Variants in SYK observed in about 807,000 individuals in gnomAD.
The protein encoded by SYK is tyrosine-protein kinase SYK.
SYK carries 16 observed loss-of-function variants against 77.8 expected under a neutral mutation model. That is an observed-to-expected ratio of 0.21 (90% CI 0.14 to 0.31). The LOEUF (loss-of-function observed/expected upper bound fraction) is 0.31, where lower values mean the gene tolerates loss of function less well. Among genes scored for constraint, SYK ranks in the 10% least tolerant of loss-of-function variants. The pLI, the probability that SYK is intolerant of heterozygous loss-of-function variation, is 1.00. For synonymous variants in SYK, 312 were observed against 308.7 expected, an observed-to-expected ratio of 1.01 and a Z score of -0.11; for missense variants, 529 against 814.4, an observed-to-expected ratio of 0.65 and a Z score of 4.26.
In SYK at chr9:90,844,060, C is replaced by T. The variant is rs150440676; in HGVS notation, c.162C>T (p.Ser54=). ...ACTACCTGGGTGGCTTCGCCCTGTC[C>T]GTGGCCCACGGGAGGAAGGCACACC... ...SRNYLGGFAL[S]VAHGRKAHHY... Residue 54 remains serine, a synonymous_variant, in exon 2 of 14, where the codon TCC becomes TCT. Coordinates refer to ENST00000375754, the MANE Select transcript of SYK (RefSeq NM_003177.7). The T allele has an allele frequency of 1.7e-5, 28 of 1,612,434 alleles. No homozygotes were observed. Among genetic ancestry groups the T allele is most frequent in the Middle Eastern group, 1.7e-4 (1 of 6,054 alleles).
rs141723612 is a variant in SYK at position 90,809,147 on chromosome 9, A to G, written c.-42+7254A>G. On this transcript the variant is annotated intron_variant, in intron 1 of 13. Coordinates refer to ENST00000375754, the MANE Select transcript of SYK (RefSeq NM_003177.7). Reference sequence around the variant, plus strand: ...GCCTGGCTAGAGCAGGCTGCATCGCAGGCCTTGGCGTTAGGTTCCCCAAAT... The same window carrying G: ...GCCTGGCTAGAGCAGGCTGCATCGCGGGCCTTGGCGTTAGGTTCCCCAAAT... Among the ~76,000 whole-genome samples, 411 of 152,292 alleles carry G rather than the reference A, an allele frequency of 2.7e-3. 2 individuals are homozygous for G. The highest frequency in any genetic ancestry group is 0.02 in the Admixed American group (309 of 15,302).
chr9:90,888,690 C>A, intron 13 of SYK, 63 bp downstream of exon 13: 3 of 1,257,134 alleles, frequency 2.4e-6, no homozygotes, highest in South Asian at 1.5e-5. Flanking sequence ...AATGGTTGGG[C>A]GTCTAAAAAA....
intron 11 of SYK, among the ~76,000 whole-genome samples, chr9:90,886,362 G>A (rs1290327413): frequency 2.6e-5 from 4 of 152,196 alleles, no homozygotes; most frequent in Non-Finnish European, 5.9e-5. Flanking sequence ...ACTGTTTGTG[G>A]GAATGTAAAT....
intron 1 of SYK, among the ~76,000 whole-genome samples, chr9:90,821,562 C>T (rs182283489): frequency 1.4e-3 from 216 of 152,314 alleles, no homozygotes; most frequent in African/African-American, 5.0e-3. Context: ...ATTACCTCCC[C>T]GTGGGTCCCT....
At chr9:90,809,166 C>T (rs12005463) in intron 1 of SYK, among the ~76,000 whole-genome samples, 17,391 of 152,152 alleles carry the variant, frequency 0.11, 1,064 homozygotes, top group Middle Eastern at 0.21. Context: ...CGTTAGGTTC[C>T]CCAAATCACT....
At chr9:90,818,051 C>T (rs1244002314) in intron 1 of SYK, among the ~76,000 whole-genome samples, 1 of 152,204 alleles carries the variant, frequency 6.6e-6, no homozygotes, top group Non-Finnish European at 1.5e-5. Context: ...CAGGCCTTGT[C>T]TGAAGTCTAC....
At chr9:90,843,780 A>C in intron 1 of SYK, 78 bp from the exon 2 acceptor site, 1 of 1,155,512 alleles carries the variant, frequency 8.7e-7, no homozygotes, top group Non-Finnish European at 1.1e-6. Flanking sequence ...TCCACTTTGA[A>C]AGGGTTTGAG....
At chr9:90,852,895 G>A (rs538664361) in intron 3 of SYK, among the ~76,000 whole-genome samples, 2 of 152,212 alleles carry the variant, frequency 1.3e-5, no homozygotes, top group Non-Finnish European at 2.9e-5. Context: ...TTGACTGCAG[G>A]GGGAAGATGA....
intron 3 of SYK, among the ~76,000 whole-genome samples, chr9:90,860,195 G>A (rs561498672): frequency 5.9e-5 from 9 of 152,310 alleles, no homozygotes; most frequent in Admixed American, 3.3e-4. Context: ...GGTCACAGAC[G>A]TAAAAGATTA....
chr9:90,888,659 A>T (rs1828671760), intron 13 of SYK, 32 bp downstream of exon 13: 2 of 1,478,386 alleles, frequency 1.4e-6, no homozygotes, highest in African/African-American at 2.8e-5. Flanking sequence ...TGATGTATTC[A>T]GATGCTCTGG....
At chr9:90,853,670 T>C (rs941425071) in intron 3 of SYK, among the ~76,000 whole-genome samples, 3 of 151,924 alleles carry the variant, frequency 2.0e-5, no homozygotes, top group Non-Finnish European at 2.9e-5. Context: ...GAACTGAACA[T>C]TGAGAACACA....
intron 11 of SYK, among the ~76,000 whole-genome samples, chr9:90,881,518 A>G (rs1163929972): frequency 1.3e-5 from 2 of 151,960 alleles, no homozygotes; most frequent in African/African-American, 4.8e-5. Context: ...CGTCTCTACT[A>G]AAAACACAAA....
At chr9:90,835,889 G>T (rs1327946476) in intron 1 of SYK, among the ~76,000 whole-genome samples, 1 of 152,084 alleles carries the variant, frequency 6.6e-6, no homozygotes, top group East Asian at 1.9e-4. Context: ...TGAACCATGT[G>T]GGTTCACTTA....
At chr9:90,820,896 C>T (rs1046750128) in intron 1 of SYK, among the ~76,000 whole-genome samples, 1 of 150,450 alleles carries the variant, frequency 6.6e-6, no homozygotes, top group African/African-American at 2.4e-5. Flanking sequence ...ATGACTTTAA[C>T]AGTCCCCAAG....
chr9:90,875,994 C>T (rs768359433), intron 9 of SYK, among the ~76,000 whole-genome samples: 41 of 152,164 alleles, frequency 2.7e-4, no homozygotes, highest in Admixed American at 1.7e-3. Flanking sequence ...CACAGACATG[C>T]GTGCTTTCCG....
intron 6 of SYK, among the ~76,000 whole-genome samples, chr9:90,866,873 A>C (rs1159499097): frequency 2.0e-5 from 3 of 152,234 alleles, no homozygotes; most frequent in African/African-American, 7.2e-5. Flanking sequence ...TGAGCTAGTG[A>C]ATGTAACAGC....
rs201935229 is a variant in SYK, at chr9:90,896,247, T to C, written c.*647T>C. 1.7e-5 allele frequency: 4 copies of C among 232,832 alleles called. No individual in the cohort carries two copies. Among genetic ancestry groups the C allele is most frequent in the Non-Finnish European group, 2.5e-5 (3 of 118,022 alleles). 14.4% of individuals were successfully genotyped at this position (232,832 alleles called of 1,614,324 possible). On this transcript the variant is annotated 3_prime_UTR_variant, in exon 14 of 14. Coordinates refer to ENST00000375754, the MANE Select transcript of SYK (RefSeq NM_003177.7). The stretch of plus-strand genomic sequence containing the variant: ...GATACTGCTTTTGCTGTCTCTGTTA[T>C]GAGATGGAAGACTTACATGTTTGTG...
rs1651792 is a variant in SYK, at chr9:90,814,867, A to C, written c.-42+12974A>C. On this transcript the variant is annotated intron_variant, in intron 1 of 13. Transcript: ENST00000375754. ...ACACACACACACACACACACACACA[A>C]AATAATGTTACTTCTCAGTCACCCG... Among the ~76,000 whole-genome samples the C allele has an allele frequency of 3.4e-3, 35 of 10,200 alleles. No individual in the cohort carries two copies. In the Admixed American group the frequency reaches 0.037, roughly 11 times the overall value. The allele number at this position is 10,200 out of a possible 152,430, so 6.7% of individuals were successfully genotyped here.
chr9:90,895,759 A>G lies in SYK; in HGVS notation c.*159A>G, dbSNP rs1405468746. ...CTTGTCACCCAAAGCCTGTCCCAGGACTCACCCTCCACAAAGCAAAGGCAG... is the reference window on the plus strand; with the variant it reads ...CTTGTCACCCAAAGCCTGTCCCAGGGCTCACCCTCCACAAAGCAAAGGCAG... On this transcript the variant is annotated 3_prime_UTR_variant, in exon 14 of 14. Coordinates refer to ENST00000375754, the MANE Select transcript of SYK (RefSeq NM_003177.7). This position sits in a 1 kb window ranked among gnomAD's most constrained non-coding sequence, Gnocchi z 4.4. 3.1e-6 allele frequency: 2 copies of G among 638,122 alleles called. No individual in the cohort carries two copies. Among genetic ancestry groups the G allele is most frequent in the Admixed American group, 2.7e-5 (1 of 37,556 alleles). The allele number at this position is 638,122 out of a possible 1,614,324, so 39.5% of individuals were successfully genotyped here.
Sources: gnomAD v4.1 joint callset for allele counts (sites outside exome capture counted in the v4.1 genomes callset) on GRCh38, gnomAD v4.1.1 for gene constraint, Gnocchi (gnomAD v3.1) non-coding constraint, MANE v1.5 for transcripts, NCBI Gene and HGNC (gene_info 2026-07-23, HGNC 2026-07-21) for gene names.